Variants in VPS13B observed in about 807,000 individuals in gnomAD.
VPS13B encodes the protein intermembrane lipid transfer protein VPS13B.
A neutral mutation model predicts 426.4 loss-of-function variants in VPS13B; 285 were observed. The ratio of observed to expected loss-of-function variants is 0.67; its 90% CI spans 0.61 to 0.74. VPS13B has a LOEUF of 0.74. Among genes scored for constraint, VPS13B ranks in the 30% least tolerant of loss-of-function variants. VPS13B has a pLI of 0.00. For synonymous variants in VPS13B, 1,676 were observed against 1,676.4 expected, an observed-to-expected ratio of 1.00 and a Z score of 0.01; for missense variants, 4,537 against 4,782.6, an observed-to-expected ratio of 0.95 and a Z score of 1.51.
intron 53 of VPS13B, 49 bp from the exon 54 acceptor site, chr8:99,835,490 T>G: frequency 6.3e-7 from 1 of 1,582,296 alleles, no homozygotes; most frequent in Non-Finnish European, 8.7e-7. Context: ...GTCCCCCAAG[T>G]CTCTGTCTTT....
chr8:99,211,155 G>C (rs1815069301), intron 17 of VPS13B, among the ~76,000 whole-genome samples: 1 of 152,050 alleles, frequency 6.6e-6, no homozygotes, highest in Non-Finnish European at 1.5e-5. Context: ...TTTCTTATAG[G>C]AATGAGAGGC....
At chr8:99,481,030 C>T (rs1280205726) in intron 24 of VPS13B, among the ~76,000 whole-genome samples, 2 of 151,820 alleles carry the variant, frequency 1.3e-5, no homozygotes, top group Non-Finnish European at 2.9e-5. Flanking sequence ...GTTTTTTCTC[C>T]GAATATTGGA....
chr8:99,693,385 T>C (rs888315691), intron 35 of VPS13B, among the ~76,000 whole-genome samples: 8 of 150,136 alleles, frequency 5.3e-5, no homozygotes. Context: ...GCAAGGCTGG[T>C]TCAATATATG....
At chr8:99,772,400 T>A (rs563778548) in intron 40 of VPS13B, among the ~76,000 whole-genome samples, 123 of 152,180 alleles carry the variant, frequency 8.1e-4, no homozygotes, top group African/African-American at 2.8e-3. Flanking sequence ...TCTACTTACA[T>A]GAGATCCCAA....
At chr8:99,475,575 A>G (rs777105395) in intron 24 of VPS13B, among the ~76,000 whole-genome samples, 20 of 152,206 alleles carry the variant, frequency 1.3e-4, no homozygotes, top group Non-Finnish European at 2.6e-4. Context: ...ACTAAATGTA[A>G]TACTTTGGCT....
At chr8:99,859,027 C>T (rs1347624116) in intron 56 of VPS13B, among the ~76,000 whole-genome samples, 1 of 152,096 alleles carries the variant, frequency 6.6e-6, no homozygotes, top group Non-Finnish European at 1.5e-5. Flanking sequence ...CACATGGACC[C>T]CCGTTAGCAG....
intron 61 of VPS13B, among the ~76,000 whole-genome samples, chr8:99,873,445 TCCAGGGCTGAAAGAGGGTTGGGATTAAGG>T (rs1817535415): frequency 6.6e-6 from 1 of 152,130 alleles, no homozygotes; most frequent in Non-Finnish European, 1.5e-5. Context: ...TCCACTGCTG[TCCAGGGCTGAAAGAGGGTTGGGATTAAGG>T]AATGCCTAAA....
chr8:99,427,048 T>A (rs1816754394), intron 21 of VPS13B, among the ~76,000 whole-genome samples: 1 of 54,906 alleles, frequency 1.8e-5, no homozygotes, highest in South Asian at 7.3e-4. Flanking sequence ...TGGTTTTAGG[T>A]CTAACGTTTA....
intron 8 of VPS13B, among the ~76,000 whole-genome samples, chr8:99,129,747 T>C (rs1233331354): frequency 6.6e-6 from 1 of 152,170 alleles, no homozygotes; most frequent in Admixed American, 6.5e-5. Context: ...AAATTTGAAA[T>C]TATTCTGATA....
At chr8:99,054,711 T>G (rs1322158340) in intron 3 of VPS13B, among the ~76,000 whole-genome samples, 7 of 152,350 alleles carry the variant, frequency 4.6e-5, no homozygotes, top group African/African-American at 1.7e-4. Context: ...TTTAGGTTGT[T>G]GATCCATATT....
Position 99,292,386 on chromosome 8 carries a change from A to T in VPS13B, c.2824+17132A>T, listed in dbSNP as rs556943334. Among the ~76,000 whole-genome samples the T allele has an allele frequency of 5.3e-5, 8 of 152,240 alleles. No homozygotes were observed. The South Asian group carries it at 1.7e-3, about 32-fold the overall frequency. On this transcript the variant is annotated intron_variant, in intron 19 of 61. Transcript: ENST00000357162. ...GACTTTGAAATCCTGGGAAAATAAGATGCCTGCATACATCCAAATGTTGAA... is the reference window on the plus strand; with the variant it reads ...GACTTTGAAATCCTGGGAAAATAAGTTGCCTGCATACATCCAAATGTTGAA...
chr8:99,523,198 A>G (rs1822467468), intron 30 of VPS13B, among the ~76,000 whole-genome samples: 1 of 152,220 alleles, frequency 6.6e-6, no homozygotes, highest in South Asian at 2.1e-4. Flanking sequence ...CATCCTCAAT[A>G]GAACAGAGCA....
At chr8:99,293,432 A>G (rs1214993225) in intron 19 of VPS13B, among the ~76,000 whole-genome samples, 6 of 106,552 alleles carry the variant, frequency 5.6e-5, no homozygotes, top group African/African-American at 1.8e-4. Context: ...CTAAAACCAT[A>G]AAAACCCTAG....
At chr8:99,483,333 A>G (rs942241032) in intron 25 of VPS13B, among the ~76,000 whole-genome samples, 3 of 152,148 alleles carry the variant, frequency 2.0e-5, no homozygotes, top group African/African-American at 7.2e-5. Context: ...ATGAGCCTGT[A>G]TCAAGTTAAT....
intron 31 of VPS13B, among the ~76,000 whole-genome samples, chr8:99,569,293 A>G (rs1220016405): frequency 6.6e-6 from 1 of 151,938 alleles, no homozygotes; most frequent in Non-Finnish European, 1.5e-5. Context: ...CCGGGTGTGC[A>G]GTCCACACAC....
intron 35 of VPS13B, among the ~76,000 whole-genome samples, chr8:99,694,464 T>A (rs1242768767): frequency 3.8e-5 from 1 of 26,610 alleles, no homozygotes; most frequent in Non-Finnish European, 8.0e-5. Context: ...CCCTATTTAA[T>A]AAATGGTGCT....
At chr8:99,507,364 C>G (rs976899208) in intron 28 of VPS13B, among the ~76,000 whole-genome samples, 161 bp downstream of exon 28, 1 of 152,170 alleles carries the variant, frequency 6.6e-6, no homozygotes, top group Admixed American at 6.5e-5. Context: ...GCTATTTATT[C>G]TTTGAAACTG....
intron 35 of VPS13B, chr8:99,696,269 G>T: frequency 1.0e-5 from 2 of 195,362 alleles, no homozygotes; most frequent in South Asian, 9.8e-5. Flanking sequence ...GCTTGAGGAA[G>T]GCGGCCAAGT....
intron 56 of VPS13B, among the ~76,000 whole-genome samples, chr8:99,855,205 T>C (rs929003320): frequency 6.6e-6 from 1 of 151,908 alleles, no homozygotes; most frequent in African/African-American, 2.4e-5. Flanking sequence ...TGAAACCTTG[T>C]CTCTATAAAA....
Sources: allele counts gnomAD v4.1 joint callset (sites outside exome capture counted in the v4.1 genomes callset), GRCh38; gene constraint gnomAD v4.1.1; transcripts MANE v1.5; gene names NCBI Gene and HGNC (gene_info 2026-07-23, HGNC 2026-07-21).